Variants in CELF5 observed in about 807,000 individuals in gnomAD.
The protein encoded by CELF5 is CUGBP Elav-like family member 5.
A neutral mutation model predicts 54.9 loss-of-function variants in CELF5; 6 were observed. The observed-to-expected ratio is 0.11, with a 90% CI of 0.06 to 0.22. The LOEUF (loss-of-function observed/expected upper bound fraction) is 0.22. Among genes scored for constraint, CELF5 ranks in the 10% least tolerant of loss-of-function variants. The pLI is 1.00. For synonymous variants in CELF5, 271 were observed against 290.9 expected (o/e 0.93, Z 0.70); for missense variants, 401 against 678.6 (o/e 0.59, Z 4.54).
At chr19:3,279,247 G>T (rs2080108941) in intron 5 of CELF5, among the ~76,000 whole-genome samples, 1 of 151,502 alleles carries the variant, frequency 6.6e-6, no homozygotes, top group Admixed American at 6.6e-5. Flanking sequence ...GAGGGGTGGG[G>T]ATTGGGGACA....
chr19:3,274,024 G>A (rs541302772), intron 3 of CELF5, 101 bp downstream of exon 3: 74 of 1,204,904 alleles, frequency 6.1e-5, no homozygotes, highest in Admixed American at 5.0e-4. Flanking sequence ...GGCAGTGGCC[G>A]AGGCCTGTGG....
intron 1 of CELF5, among the ~76,000 whole-genome samples, chr19:3,226,034 C>A (rs1432457286): frequency 1.3e-5 from 2 of 152,066 alleles, no homozygotes; most frequent in Non-Finnish European, 2.9e-5. Flanking sequence ...CCATCATGGG[C>A]CCAGCGTCTG....
chr19:3,234,254 T>G (rs1917414520), intron 1 of CELF5, among the ~76,000 whole-genome samples: 1 of 152,010 alleles, frequency 6.6e-6, no homozygotes, highest in South Asian at 2.1e-4. Flanking sequence ...TCGTTCTCTC[T>G]CTCTCTCTCT....
chr19:3,228,638 C>T lies in CELF5; in HGVS notation c.259+3640C>T, dbSNP rs1371132266. Reference sequence around the variant, plus strand: ...GGTGGGGGGGGGGCCCGGCGGGGGCCCGGGTGGGGGCCCGCGGTTTCCATG... The same window carrying T: ...GGTGGGGGGGGGGCCCGGCGGGGGCTCGGGTGGGGGCCCGCGGTTTCCATG... On this transcript the variant is annotated intron_variant, in intron 1 of 12. Coordinates refer to ENST00000292672, the MANE Select transcript of CELF5 (RefSeq NM_021938.4). The surrounding 1 kb of genome is among the most constrained non-coding windows in gnomAD (Gnocchi z 6.0). Among the ~76,000 whole-genome samples, 4 of 150,154 alleles carry T rather than the reference C, an allele frequency of 2.7e-5. No homozygotes were observed. The highest frequency in any genetic ancestry group is 2.1e-4 in the South Asian group (1 of 4,714).
At chr19:3,241,328 G>T (rs1452556597) in intron 1 of CELF5, among the ~76,000 whole-genome samples, 3 of 151,074 alleles carry the variant, frequency 2.0e-5, no homozygotes, top group Non-Finnish European at 4.4e-5. Flanking sequence ...TGATCCACCC[G>T]CCTCTGCCTC....
intron 1 of CELF5, among the ~76,000 whole-genome samples, chr19:3,236,175 C>T (rs780152060): frequency 9.2e-5 from 14 of 151,988 alleles, no homozygotes; most frequent in African/African-American, 2.4e-4. Context: ...GGCATTTATG[C>T]GTGCATTGAG....
At chr19:3,283,149 C>T (rs911738351) in intron 8 of CELF5, among the ~76,000 whole-genome samples, 1 of 152,182 alleles carries the variant, frequency 6.6e-6, no homozygotes, top group Non-Finnish European at 1.5e-5. Context: ...TGGATTCATT[C>T]ATTTATCCAT....
At chr19:3,288,137 T>C (rs981994300) in intron 10 of CELF5, among the ~76,000 whole-genome samples, 1 of 152,074 alleles carries the variant, frequency 6.6e-6, no homozygotes, top group Non-Finnish European at 1.5e-5. Context: ...TCGCCCACAG[T>C]TTTGGTGGGG....
At chr19:3,263,476 G>A (rs1386064158) in intron 2 of CELF5, among the ~76,000 whole-genome samples, 2 of 151,904 alleles carry the variant, frequency 1.3e-5, no homozygotes, top group African/African-American at 4.8e-5. Context: ...CACACGAATC[G>A]CTTGAACCCG....
intron 1 of CELF5, among the ~76,000 whole-genome samples, chr19:3,244,414 ATG>A (rs983260641): frequency 6.2e-5 from 8 of 129,896 alleles, no homozygotes; most frequent in South Asian, 2.5e-4. Flanking sequence ...CATTGTGTGT[ATG>A]TGTGTGTAGT....
intron 1 of CELF5, among the ~76,000 whole-genome samples, chr19:3,245,318 G>T (rs1383589049): frequency 6.8e-6 from 1 of 147,822 alleles, no homozygotes; most frequent in Non-Finnish European, 1.5e-5. Flanking sequence ...TGTGGTGTGT[G>T]TATGCATCTG....
intron 12 of CELF5, chr19:3,295,103 A>G (rs1175716786): frequency 2.6e-5 from 4 of 152,310 alleles, no homozygotes; most frequent in Non-Finnish European, 5.9e-5. Context: ...GGACTTACCC[A>G]TAAATTCCAA....
chr19:3,241,474 C>A (rs1202159685), intron 1 of CELF5, among the ~76,000 whole-genome samples: 1 of 152,048 alleles, frequency 6.6e-6, no homozygotes, highest in African/African-American at 2.4e-5. Flanking sequence ...GTGGGACTTC[C>A]CTGTCTACCC....
In CELF5 at chr19:3,251,076, T is replaced by C; in HGVS notation, c.342+9T>C. ...AGAAGACCTTGCCCGGAGTGAGTCC[T>C]GTGTGGTGTCTGGGGAGGAGGGGAC... is the stretch of plus-strand genomic sequence containing the variant. On this transcript the variant is annotated intron_variant, in intron 2 of 12. Coordinates refer to ENST00000292672, the MANE Select transcript of CELF5 (RefSeq NM_021938.4). 6.2e-7 allele frequency: 1 copy of C among 1,609,924 alleles called. No homozygotes were observed. The highest frequency in any genetic ancestry group is 1.1e-5 in the South Asian group (1 of 90,990).
At chr19:3,245,380 G>A (rs1568335538) in intron 1 of CELF5, among the ~76,000 whole-genome samples, 1 of 147,236 alleles carries the variant, frequency 6.8e-6, no homozygotes, top group South Asian at 2.2e-4. Flanking sequence ...GCGTGTGTGT[G>A]TATGCATCTG....
In CELF5 at chr19:3,228,615, TGGG is replaced by T. The variant is rs758992111; in HGVS notation, c.259+3625_259+3627del. On this transcript the variant is annotated intron_variant, in intron 1 of 12. Transcript: ENST00000292672. The surrounding 1 kb of genome is among the most constrained non-coding windows in gnomAD (Gnocchi z 6.0). ...AGGTTGCGCTGGGGGACGGTGCAGGTGGGGGGGGGGCCCGGCGGGGGCCCGGGT... is the reference window on the plus strand; with the variant it reads ...AGGTTGCGCTGGGGGACGGTGCAGGTGGGGGGGCCCGGCGGGGGCCCGGGT... 3.1e-5 allele frequency among the ~76,000 whole-genome samples: 1 copy of T among 32,244 alleles called. No homozygotes were observed. Among genetic ancestry groups the T allele is most frequent in the Non-Finnish European group, 7.2e-5 (1 of 13,842 alleles). 21.2% of individuals were successfully genotyped at this position (32,244 alleles called of 152,430 possible).
At chr19:3,250,480 C>T (rs190300343) in intron 1 of CELF5, among the ~76,000 whole-genome samples, 194 of 152,296 alleles carry the variant, frequency 1.3e-3, no homozygotes, top group Middle Eastern at 3.4e-3. Context: ...CAGAGCCAGA[C>T]TCCGTCTCAA....
Position 3,281,038 on chromosome 19 carries a change from CTG to C in CELF5, c.604-158_604-157del, listed in dbSNP as rs1415158439. Among the ~76,000 whole-genome samples, 1 of 152,206 alleles carries C rather than the reference CTG, an allele frequency of 6.6e-6. No homozygotes were observed. Among genetic ancestry groups the C allele is most frequent in the Non-Finnish European group, 1.5e-5 (1 of 68,028 alleles). On this transcript the variant is annotated intron_variant, in intron 5 of 12. Transcript: ENST00000292672. The surrounding 1 kb of genome is among the most constrained non-coding windows in gnomAD (Gnocchi z 6.5). The stretch of plus-strand genomic sequence containing the variant: ...GATGCTGATCTCCACGCGGTCCTCG[CTG>C]TGGCCCTGGCTCCTGGGGTGGGGGC...
In CELF5 at chr19:3,228,133, G is replaced by A. The variant is rs1048092224; in HGVS notation, c.259+3135G>A. Among the ~76,000 whole-genome samples, 2 of 151,668 alleles carry A rather than the reference G, an allele frequency of 1.3e-5. No homozygotes were observed. The highest frequency in any genetic ancestry group is 2.9e-5 in the Non-Finnish European group (2 of 67,914). ...AGAGAGAGAGAGAGAGAGAGATGAG[G>A]ACACAGAGAGAGAGAGAGAGACACG... On this transcript the variant is annotated intron_variant, in intron 1 of 12. Transcript: ENST00000292672. This position sits in a 1 kb window ranked among gnomAD's most constrained non-coding sequence, Gnocchi z 6.0.
Sources: gnomAD v4.1 joint callset for allele counts (sites outside exome capture counted in the v4.1 genomes callset) on GRCh38, gnomAD v4.1.1 for gene constraint, Gnocchi (gnomAD v3.1) non-coding constraint, MANE v1.5 for transcripts, NCBI Gene and HGNC (gene_info 2026-07-23, HGNC 2026-07-21) for gene names.